The following PIK3R3 variants were observed in gnomAD, a reference collection of about 807,000 sequenced individuals.
PIK3R3 encodes the protein phosphoinositide-3-kinase regulatory subunit 3.
In PIK3R3, 64 loss-of-function variants were observed where a neutral mutation model predicts 62.9. The observed-to-expected ratio is 1.02, with a 90% CI of 0.83 to 1.25. PIK3R3 has a LOEUF of 1.25. PIK3R3 is among the 50% of genes most tolerant of loss of function. The probability of loss-of-function intolerance (pLI) is 0.00; values close to 1 mark genes in which losing one functional copy is unlikely to be tolerated. For missense variants in PIK3R3, 614 were observed against 561.6 expected, an observed-to-expected ratio of 1.09 and a Z score of -0.94; for synonymous variants, 165 against 189.0, an observed-to-expected ratio of 0.87 and a Z score of 1.04.
intron 1 of PIK3R3, among the ~76,000 whole-genome samples, chr1:46,096,602 G>C (rs948164114): frequency 1.3e-5 from 2 of 152,160 alleles, no homozygotes; most frequent in Non-Finnish European, 2.9e-5. Context: ...ATTTTTAGAA[G>C]GCAGTAATAA....
At position 46,046,072 on chromosome 1, in the gene PIK3R3, C is replaced by G; in HGVS notation, c.1033G>C (p.Glu345Gln). ...TAATGGGGCAGGTTTTCATCTTCCT[C>G]ATTGATAAAATAGTTCCTAAAAATT... Reference protein sequence around the residue: ...EDADENYFINEEDENLPHYDE... With the variant: ...EDADENYFINQEDENLPHYDE... The change falls in exon 9 of 10, where the codon GAG becomes CAG. Residue 345 changes from glutamate (E) to glutamine (Q), a missense_variant. Transcript: ENST00000262741. 2 of 1,597,356 alleles carry G rather than the reference C, an allele frequency of 1.3e-6. No homozygotes were observed. The highest frequency in any genetic ancestry group is 1.7e-6 in the Non-Finnish European group (2 of 1,167,286).
chr1:46,055,828 A>C lies in PIK3R3; in HGVS notation c.908T>G (p.Ile303Ser). ...TTGATCTCGGATCTTTCGCAGCTGG[A>C]TCAGGTCAGGTTTGATGCTATTCAT... ...KKMNSIKPDL[I>S]QLRKIRDQHL... Residue 303 changes from isoleucine (I) to serine (S), a missense_variant, in exon 7 of 10, where the codon ATC becomes AGC. Coordinates refer to ENST00000262741, the MANE Select transcript of PIK3R3 (RefSeq NM_003629.4). 2.0e-6 allele frequency: 3 copies of C among 1,495,432 alleles called. No homozygotes were observed. Among genetic ancestry groups the C allele is most frequent in the Non-Finnish European group, 2.7e-6 (3 of 1,123,626 alleles). 92.6% of individuals were successfully genotyped at this position (1,495,432 alleles called of 1,614,324 possible).
Position 46,132,607 on chromosome 1 carries a change from C to T in PIK3R3, c.-655G>A. 2 of 1,289,434 alleles carry T rather than the reference C, an allele frequency of 1.6e-6. No individual in the cohort carries two copies. The highest frequency in any genetic ancestry group is 1.2e-5 in the South Asian group (1 of 81,014). 79.9% of individuals were successfully genotyped at this position (1,289,434 alleles called of 1,614,324 possible). A position where few individuals can be genotyped will look rare whatever the true frequency, so the allele number is the denominator to read the frequency against. Reference sequence around the variant, plus strand: ...GGGTGTAAGAACCAACCCGACCGCACCAACTGCCCTCAAGCTCTGCCCGGA... The same window carrying T: ...GGGTGTAAGAACCAACCCGACCGCATCAACTGCCCTCAAGCTCTGCCCGGA... On this transcript the variant is annotated 5_prime_UTR_variant, in exon 1 of 10. The change creates a new upstream start codon in the 5' untranslated region. Transcript: ENST00000262741.
chr1:46,045,819 CTGT>C, intron 9 of PIK3R3, 96 bp downstream of exon 9: 1 of 1,081,146 alleles, frequency 9.2e-7, no homozygotes, highest in Non-Finnish European at 1.4e-6. Flanking sequence ...GTCCTCGTTA[CTGT>C]ACATTAACTA....
the PIK3R3 span, among the ~76,000 whole-genome samples, chr1:46,167,336 G>A: frequency 6.6e-6 from 1 of 152,228 alleles, no homozygotes; most frequent in Non-Finnish European, 1.5e-5. Context: ...GAGGGTGTGG[G>A]GGGATGGGAA....
upstream of PIK3R3, among the ~76,000 whole-genome samples, chr1:46,136,141 C>T (rs951610043): frequency 2.0e-5 from 3 of 151,004 alleles, no homozygotes; most frequent in African/African-American, 7.3e-5. Flanking sequence ...GGGATTCTAC[C>T]AGCCTCAATA....
At chr1:46,090,764 T>C (rs1571463787) in intron 1 of PIK3R3, among the ~76,000 whole-genome samples, 1 of 152,234 alleles carries the variant, frequency 6.6e-6, no homozygotes, top group Non-Finnish European at 1.5e-5. Context: ...GAAACATCTA[T>C]TGTATTTATA....
At chr1:46,135,541 T>C (rs2149484797), upstream of PIK3R3, among the ~76,000 whole-genome samples, 1 of 152,336 alleles carries the variant, frequency 6.6e-6, no homozygotes, top group East Asian at 1.9e-4. Flanking sequence ...CACCCTGGTA[T>C]GGTTTTTTTC....
At chr1:46,048,584 G>C (rs1277623513) in intron 7 of PIK3R3, among the ~76,000 whole-genome samples, 2 of 151,850 alleles carry the variant, frequency 1.3e-5, no homozygotes, top group African/African-American at 4.8e-5. Flanking sequence ...ATGCACACTG[G>C]GTAAAAAAGT....
At chr1:46,128,896 A>G (rs1169088675) in intron 1 of PIK3R3, among the ~76,000 whole-genome samples, 2 of 152,108 alleles carry the variant, frequency 1.3e-5, no homozygotes, top group African/African-American at 2.4e-5. Flanking sequence ...GCCTGGTGAA[A>G]CCCTGTCTCT....
intron 8 of PIK3R3, 35 bp from the exon 9 acceptor site, chr1:46,046,123 G>A (rs367592247): frequency 5.1e-5 from 65 of 1,285,816 alleles, no homozygotes; most frequent in Non-Finnish European, 6.6e-5. Context: ...ATTCTAACAA[G>A]TTACTTCTAT....
At chr1:46,089,544 T>C (rs942571119) in intron 1 of PIK3R3, among the ~76,000 whole-genome samples, 5 of 151,884 alleles carry the variant, frequency 3.3e-5, no homozygotes, top group Admixed American at 3.3e-4. Context: ...TGAAACCCCA[T>C]CTCTACTAAA....
At chr1:46,161,255 C>T in the PIK3R3 span, among the ~76,000 whole-genome samples, 93 of 147,556 alleles carry the variant, frequency 6.3e-4, no homozygotes, top group Non-Finnish European at 1.1e-3. Context: ...CCCACCATAC[C>T]TAGCTAATTT....
At chr1:46,093,992 C>G (rs11805376) in intron 1 of PIK3R3, among the ~76,000 whole-genome samples, 30,899 of 151,532 alleles carry the variant, frequency 0.2, 3,625 homozygotes, top group Non-Finnish European at 0.26. Flanking sequence ...TCACCTGAGC[C>G]CAGGATGTCG....
At chr1:46,086,719 T>A (rs1246713919) in intron 1 of PIK3R3, among the ~76,000 whole-genome samples, 1 of 152,068 alleles carries the variant, frequency 6.6e-6, no homozygotes, top group African/African-American at 2.4e-5. Flanking sequence ...GCAATCTGAT[T>A]CACACCACTG....
the PIK3R3 span, among the ~76,000 whole-genome samples, chr1:46,164,077 C>T: frequency 6.6e-6 from 1 of 152,162 alleles, no homozygotes; most frequent in Admixed American, 6.5e-5. Flanking sequence ...CCAGCACTGA[C>T]GAATAATACC....
the PIK3R3 span, among the ~76,000 whole-genome samples, chr1:46,147,627 G>A: frequency 6.7e-6 from 1 of 149,896 alleles, no homozygotes; most frequent in African/African-American, 2.5e-5. Context: ...CACTGTGTTA[G>A]CCGGGACGGT....
the PIK3R3 span, chr1:46,138,805 T>A: frequency 6.6e-6 from 1 of 152,248 alleles, no homozygotes; most frequent in South Asian, 2.1e-4. Context: ...AACATGATTG[T>A]TTGTGTCCTC....
At chr1:46,164,848 T>A in the PIK3R3 span, among the ~76,000 whole-genome samples, 1 of 152,030 alleles carries the variant, frequency 6.6e-6, no homozygotes, top group Non-Finnish European at 1.5e-5. Context: ...CCATCCCTTT[T>A]TTTGAGATGG....
Sources: allele counts gnomAD v4.1 joint callset (sites outside exome capture counted in the v4.1 genomes callset), GRCh38; gene constraint gnomAD v4.1.1; transcripts MANE v1.5; gene names NCBI Gene and HGNC (gene_info 2026-07-23, HGNC 2026-07-21).